The following MAPK12 variants were observed in gnomAD, a reference collection of about 807,000 sequenced individuals.
MAPK12 encodes the protein MAP kinase 12.
MAPK12 carries 49 observed loss-of-function variants against 49.1 expected under a neutral mutation model. The observed-to-expected ratio is 1.00, with a 90% CI of 0.79 to 1.27. MAPK12 has a LOEUF of 1.27. Ranked by LOEUF, MAPK12 falls within the 50% of genes most tolerant of loss-of-function variation. MAPK12 has a pLI of 0.00. For missense variants in MAPK12, 554 were observed against 502.4 expected, an observed-to-expected ratio of 1.10 and a Z score of -0.98; for synonymous variants, 251 against 209.7, an observed-to-expected ratio of 1.20 and a Z score of -1.70.
chr22:50,256,708 G>C (rs1475505456), intron 5 of MAPK12, 62 bp from the exon 6 acceptor site: 1 of 1,559,738 alleles, frequency 6.4e-7, no homozygotes, highest in East Asian at 2.3e-5. Flanking sequence ...ACAGCCAAGA[G>C]CCTGGGTGGC....
At position 50,253,475 on chromosome 22, in the gene MAPK12, T is replaced by A. The variant is rs780815449; in HGVS notation, c.1030A>T (p.Thr344Ser). 1 of 708,214 alleles carries A rather than the reference T, an allele frequency of 1.4e-6. No homozygotes were observed. The highest frequency in any genetic ancestry group is 2.1e-6 in the Non-Finnish European group (1 of 474,906). 43.9% of individuals were successfully genotyped at this position (708,214 alleles called of 1,614,324 possible). A position where few individuals can be genotyped will look rare whatever the true frequency, so the allele number is the denominator to read the frequency against. The change falls in exon 12 of 12, where the codon ACT (threonine) becomes TCT (serine). Residue 344 changes from threonine (T) to serine (S), a missense_variant. Transcript: ENST00000215659. Reference protein sequence around the residue: ...DRTLDEWKRVTYKEVLSFKPP... With the variant: ...DRTLDEWKRVSYKEVLSFKPP... ...TTGAAGCTGAGCACCTCTTTGTAAGTAACACCTGGCGGGGGTGGGGGGGCG... is the reference window on the plus strand; with the variant it reads ...TTGAAGCTGAGCACCTCTTTGTAAGAAACACCTGGCGGGGGTGGGGGGGCG...
At chr22:50,254,929 A>C (rs2065132334) in intron 11 of MAPK12, 21 of 1,354,826 alleles carry the variant, frequency 1.6e-5, no homozygotes, top group Non-Finnish European at 2.0e-5. Flanking sequence ...CTCCAGCCAG[A>C]GGTCATCTCC....
rs1054886574 is a variant in MAPK12, at chr22:50,255,218, G to C, written c.1003C>G (p.Arg335Gly). 1.2e-5 allele frequency: 20 copies of C among 1,613,794 alleles called. No individual in the cohort carries two copies. Among genetic ancestry groups the C allele is most frequent in the Non-Finnish European group, 1.7e-5 (20 of 1,180,014 alleles). ...TCACGCTTCCATTCATCCAGTGTGCGGTCAACGTCGTCAAAGGAGTCATCA... is the reference window on the plus strand; with the variant it reads ...TCACGCTTCCATTCATCCAGTGTGCCGTCAACGTCGTCAAAGGAGTCATCA... ...KYDDSFDDVD[R>G]TLDEWKRVTY... Residue 335 changes from arginine (R) to glycine (G), a missense_variant, in exon 11 of 12, where the codon CGC (arginine) becomes GGC (glycine). Coordinates refer to ENST00000215659, the MANE Select transcript of MAPK12 (RefSeq NM_002969.6).
intron 9 of MAPK12, 37 bp downstream of exon 9, chr22:50,255,578 G>GCCCCCCCC: frequency 3.2e-6 from 5 of 1,581,954 alleles, no homozygotes; most frequent in Admixed American, 1.7e-5. Flanking sequence ...GCCCAGGTCC[G>GCCCCCCCC]CCCCCACCCC....
chr22:50,257,326 C>A, intron 3 of MAPK12, 133 bp from the exon 4 acceptor site: 1 of 666,844 alleles, frequency 1.5e-6, no homozygotes, highest in Non-Finnish European at 2.7e-6. Context: ...CTGCAGCACA[C>A]ATCCACACTG....
Position 50,255,451 on chromosome 22 carries a change from ACCC to A in MAPK12, c.849_850+1del. 1 of 1,613,096 alleles carries A rather than the reference ACCC, an allele frequency of 6.2e-7. No homozygotes were observed. Among genetic ancestry groups the A allele is most frequent in the Non-Finnish European group, 8.5e-7 (1 of 1,180,002 alleles). The stretch of plus-strand genomic sequence containing the variant: ...GGTGGCCCCCACACTAGCCAGCCGT[ACCC>A]AGAGGGCTTGCATTGGTCAGGATAG... On this transcript the variant is annotated splice_donor_variant and coding_sequence_variant, in exon 10 of 12. Transcript: ENST00000215659. LOFTEE classifies it high-confidence loss of function.
chr22:50,257,879 G>A (rs1489444236), intron 3 of MAPK12: 3 of 766,132 alleles, frequency 3.9e-6, no homozygotes, highest in Admixed American at 1.7e-5. Flanking sequence ...CCCACCCGCT[G>A]GAAAAGGTCA....
At position 50,253,781 on chromosome 22, in the gene MAPK12, T is replaced by C. The variant is rs2065122185; in HGVS notation, c.1025-301A>G. 5 of 465,428 alleles carry C rather than the reference T, an allele frequency of 1.1e-5. No homozygotes were observed. In the Admixed American group the frequency reaches 1.1e-4, roughly 11 times the overall value. 28.8% of individuals were successfully genotyped at this position (465,428 alleles called of 1,614,324 possible). On this transcript the variant is annotated intron_variant, in intron 11 of 11. Transcript: ENST00000215659. ...CAGAGAGGATCCTATGGCCCATGGC[T>C]TTCAAGTTATCTTTCTAGCAGCAGA...
intron 3 of MAPK12, chr22:50,257,861 G>A (rs1317235403): frequency 8.0e-6 from 6 of 749,042 alleles, no homozygotes; most frequent in South Asian, 2.9e-5. Flanking sequence ...CCTCCCTACC[G>A]CTTCTCCCCC....
intron 2 of MAPK12, 68 bp downstream of exon 2, chr22:50,261,099 G>A: frequency 1.4e-6 from 2 of 1,445,412 alleles, no homozygotes; most frequent in Non-Finnish European, 1.8e-6. Context: ...TGCCGGGTGG[G>A]GGAACCCAGC....
At position 50,261,681 on chromosome 22, in the gene MAPK12, C is replaced by T. The variant is rs2065216007; in HGVS notation, c.-172G>A. 8 of 731,638 alleles carry T rather than the reference C, an allele frequency of 1.1e-5. No homozygotes were observed. In the South Asian group the frequency reaches 4.3e-4, roughly 39 times the overall value. 45.3% of individuals were successfully genotyped at this position (731,638 alleles called of 1,614,324 possible). A position where few individuals can be genotyped will look rare whatever the true frequency, so the allele number is the denominator to read the frequency against. ...CTCCCGGCCCTTCCCTCAGGGATGT[C>T]CCAGGTGCCGACCCCGGCCCGACCC... On this transcript the variant is annotated 5_prime_UTR_variant, in exon 1 of 12. Transcript: ENST00000215659.
At chr22:50,254,350 C>T (rs997863161) in intron 11 of MAPK12, 1 of 153,256 alleles carries the variant, frequency 6.5e-6, no homozygotes, top group African/African-American at 2.4e-5. Flanking sequence ...GGGGAGGGAT[C>T]CTAAAGTGGG....
Position 50,261,584 on chromosome 22 carries a change from C to T in MAPK12, c.-75G>A. ...ACGACCGGGGACGGGGCTCCCTCGG[C>T]GCGCGCCTCGGGCCGGCTCCGCGCC... is the stretch of plus-strand genomic sequence containing the variant. On this transcript the variant is annotated 5_prime_UTR_variant, in exon 1 of 12. Transcript: ENST00000215659. 3.0e-6 allele frequency: 3 copies of T among 1,014,992 alleles called. No homozygotes were observed. Among genetic ancestry groups the T allele is most frequent in the East Asian group, 9.6e-5 (1 of 10,372 alleles). The allele number at this position is 1,014,992 out of a possible 1,614,324, so 62.9% of individuals were successfully genotyped here.
intron 4 of MAPK12, 39 bp from the exon 5 acceptor site, chr22:50,257,003 C>A (rs2065157509): frequency 6.2e-7 from 1 of 1,604,392 alleles, no homozygotes; most frequent in Non-Finnish European, 8.5e-7. Context: ...TCAGCGCACC[C>A]TCTCAGAGCC....
chr22:50,261,220 C>T lies in MAPK12; in HGVS notation c.202G>A (p.Ala68Thr). 6.3e-7 allele frequency: 1 copy of T among 1,588,500 alleles called. No individual in the cohort carries two copies. The highest frequency in any genetic ancestry group is 8.6e-7 in the Non-Finnish European group (1 of 1,168,768). The part of the protein sequence containing the change: ...LYRPFQSELF[A>T]KRAYRELRLL... ...CGCAGCTCGCGGTAGGCGCGCTTGG[C>T]GAACAGCTCGGACTGGAAAGGCCGA... is the stretch of plus-strand genomic sequence containing the variant. The change falls in exon 2 of 12, where the codon GCC becomes ACC. Residue 68 changes from alanine to threonine, a missense_variant. Coordinates refer to ENST00000215659, the MANE Select transcript of MAPK12 (RefSeq NM_002969.6).
At chr22:50,258,904 G>A (rs1025895170) in intron 2 of MAPK12, among the ~76,000 whole-genome samples, 1 of 152,244 alleles carries the variant, frequency 6.6e-6, no homozygotes, top group Non-Finnish European at 1.5e-5. Context: ...CCTGGCAGAG[G>A]GCACACACAG....
At chr22:50,253,502 G>GGGGGGGGCCCCCCCCCCCCCCC in intron 11 of MAPK12, 22 bp from the exon 12 acceptor site, 1 of 171,660 alleles carries the variant, frequency 5.8e-6, no homozygotes, top group East Asian at 1.5e-4. Flanking sequence ...GGGGGGGCGG[G>GGGGGGGGCCCCCCCCCCCCCCC]CACAACAGAG....
chr22:50,253,523 G>A (rs1251458327), intron 11 of MAPK12, 43 bp from the exon 12 acceptor site: 2 of 947,360 alleles, frequency 2.1e-6, no homozygotes, highest in Admixed American at 2.0e-5. Flanking sequence ...AGGGGGGTCA[G>A]CCTTTGCCTT....
In MAPK12 at chr22:50,261,348, C is replaced by G. The variant is rs1211066068; in HGVS notation, c.125+37G>C. ...GGCCGGGCACCCCGCGCAGGCCCCG[C>G]CCGCCCCGCCGGCCGCCCCGCCCGG... On this transcript the variant is annotated intron_variant, in intron 1 of 11. Transcript: ENST00000215659. 4 of 1,135,528 alleles carry G rather than the reference C, an allele frequency of 3.5e-6. No individual in the cohort carries two copies. The African/African-American group carries it at 5.0e-5, about 14-fold the overall frequency. 70.3% of individuals were successfully genotyped at this position (1,135,528 alleles called of 1,614,324 possible).
Sources: allele counts gnomAD v4.1 joint callset (sites outside exome capture counted in the v4.1 genomes callset), GRCh38; gene constraint gnomAD v4.1.1; transcripts MANE v1.5; gene names NCBI Gene and HGNC (gene_info 2026-07-23, HGNC 2026-07-21).